Variants in FHL2 observed in about 807,000 individuals in gnomAD.
FHL2 encodes four and a half LIM domains protein 2.
FHL2 carries 20 observed loss-of-function variants against 32.7 expected under a neutral mutation model. The ratio of observed to expected loss-of-function variants is 0.61; its 90% confidence interval spans 0.43 to 0.89. FHL2 has a LOEUF of 0.89. Among genes scored for constraint, FHL2 ranks in the 40% least tolerant of loss-of-function variants. FHL2 has a pLI of 0.00. For missense variants in FHL2, 311 were observed against 358.6 expected, an observed-to-expected ratio of 0.87 and a Z score of 1.07; for synonymous variants, 123 against 128.1, an observed-to-expected ratio of 0.96 and a Z score of 0.27.
chr2:105,399,149 G>GC (rs1348448703), upstream of FHL2: 4 of 1,364,352 alleles, frequency 2.9e-6, no homozygotes, highest in Non-Finnish European at 3.7e-6. Context: ...GGCGTGGGGC[G>GC]CGGGGGGCGG....
In FHL2 at chr2:105,420,713, G is replaced by A. The variant is rs535588286; in HGVS notation, c.-25+17686C>T. Among the ~76,000 whole-genome samples, 17 of 152,248 alleles carry A rather than the reference G, an allele frequency of 1.1e-4. No homozygotes were observed. In the East Asian group the frequency reaches 3.1e-3, roughly 28 times the overall value. ...GGGAGGTGGGGGGCAGAGGGTTTCA[G>A]GATGAAACTGTTCCAACTCAGATAA... On this transcript the variant is annotated intron_variant, in intron 1 of 5. Coordinates refer to the FHL2 transcript ENST00000393352.
At chr2:105,396,880 G>C in intron 1 of FHL2, 183 bp from the exon 2 acceptor site, 1 of 598,576 alleles carries the variant, frequency 1.7e-6, no homozygotes, top group Non-Finnish European at 2.9e-6. Context: ...TTGTACCTCA[G>C]GGCATCTGAG....
At chr2:105,438,527 C>T, upstream of FHL2, 5 of 985,520 alleles carry the variant, frequency 5.1e-6, no homozygotes, top group Non-Finnish European at 6.0e-6. Flanking sequence ...CTGCCCTTGT[C>T]AGTGGCGCTA....
chr2:105,426,429 A>C (rs1416899093), intron 1 of FHL2, among the ~76,000 whole-genome samples: 1 of 152,220 alleles, frequency 6.6e-6, no homozygotes, highest in African/African-American at 2.4e-5. Context: ...TAAAGAATGG[A>C]AACAGCATGG....
At chr2:105,367,085 A>G (rs1680689490) in intron 5 of FHL2, among the ~76,000 whole-genome samples, 3 of 152,198 alleles carry the variant, frequency 2.0e-5, no homozygotes, top group Non-Finnish European at 4.4e-5. Flanking sequence ...GAGTAGATAC[A>G]TTTAATAAAT....
chr2:105,426,382 G>A (rs148426270), intron 1 of FHL2, among the ~76,000 whole-genome samples: 162 of 152,308 alleles, frequency 1.1e-3, no homozygotes, highest in African/African-American at 3.6e-3. Context: ...CATAATTCAA[G>A]TCAAAAGTAA....
chr2:105,370,214 C>T (rs375643513), intron 4 of FHL2, among the ~76,000 whole-genome samples: 47 of 151,636 alleles, frequency 3.1e-4, no homozygotes, highest in African/African-American at 1.0e-3. Context: ...CTCTACCCCC[C>T]CAAAAAAAAA....
chr2:105,368,156 C>T (rs1680771054), intron 4 of FHL2, among the ~76,000 whole-genome samples: 1 of 152,094 alleles, frequency 6.6e-6, no homozygotes, highest in Non-Finnish European at 1.5e-5. Context: ...ATGAACACCC[C>T]GTCTGGTTCA....
chr2:105,424,820 A>G (rs1252723975), intron 1 of FHL2, among the ~76,000 whole-genome samples: 1 of 152,226 alleles, frequency 6.6e-6, no homozygotes, highest in Non-Finnish European at 1.5e-5. Flanking sequence ...GAGTTGAACA[A>G]TGAGAACACA....
At chr2:105,402,118 C>CGTGTATATATACACGT (rs1317685269), upstream of FHL2, among the ~76,000 whole-genome samples, 1 of 145,958 alleles carries the variant, frequency 6.9e-6, no homozygotes, top group Admixed American at 6.9e-5. Flanking sequence ...CGTATATATA[C>CGTGTATATATACACGT]ATATATACAT....
upstream of FHL2, chr2:105,399,257 C>T (rs969938524): frequency 7.8e-6 from 12 of 1,535,492 alleles, no homozygotes; most frequent in Admixed American, 2.0e-5. Context: ...TCGTGCCCTC[C>T]GGGTCTTGGG....
intron 6 of FHL2, 101 bp downstream of exon 6, chr2:105,363,184 G>T: frequency 1.2e-5 from 14 of 1,121,504 alleles, no homozygotes; most frequent in Non-Finnish European, 1.8e-5. Context: ...CCTTAGGGAG[G>T]TCTGGGGAGT....
At chr2:105,415,998 T>C (rs1373255586) in intron 1 of FHL2, among the ~76,000 whole-genome samples, 1 of 152,204 alleles carries the variant, frequency 6.6e-6, no homozygotes, top group South Asian at 2.1e-4. Context: ...AATTTCAAGT[T>C]TAATTAAACC....
At chr2:105,369,899 G>C (rs1426226621) in intron 4 of FHL2, among the ~76,000 whole-genome samples, 1 of 152,200 alleles carries the variant, frequency 6.6e-6, no homozygotes, top group Non-Finnish European at 1.5e-5. Flanking sequence ...GGAGCCTCAG[G>C]GACATGGCGC....
chr2:105,390,304 C>T lies in FHL2; in HGVS notation c.-24-3764G>A, dbSNP rs1337048052. ...GGCTCCACATTTGCTCAAAGTACGA[C>T]TGAGGTTATGAATGTCATCATGGTG... On this transcript the variant is annotated intron_variant, in intron 2 of 6. Transcript: ENST00000530340. The T allele has an allele frequency of 2.0e-5, 3 of 152,684 alleles. No homozygotes were observed. In the East Asian group the frequency reaches 5.8e-4, roughly 29 times the overall value. The allele number at this position is 152,684 out of a possible 1,614,324, so 9.5% of individuals were successfully genotyped here. A position where few individuals can be genotyped will look rare whatever the true frequency, so the allele number is the denominator to read the frequency against.
rs1683328510 is a variant in FHL2 at position 105,398,827 on chromosome 2, C to T, written c.-76+15G>A. On this transcript the variant is annotated intron_variant, in intron 1 of 6. Transcript: ENST00000530340. ...CAGTGGTCTTCCCGGACCCACAGCTCTGCTCTCCTCTCACCAGTCTCCCCA... is the reference window on the plus strand; with the variant it reads ...CAGTGGTCTTCCCGGACCCACAGCTTTGCTCTCCTCTCACCAGTCTCCCCA... The T allele has an allele frequency of 2.8e-6, 4 of 1,424,698 alleles. No individual in the cohort carries two copies. In the South Asian group the frequency reaches 5.0e-5, roughly 18 times the overall value. The allele number at this position is 1,424,698 out of a possible 1,614,324, so 88.3% of individuals were successfully genotyped here. A position where few individuals can be genotyped will look rare whatever the true frequency, so the allele number is the denominator to read the frequency against.
chr2:105,431,023 A>T (rs1684415913), intron 1 of FHL2, among the ~76,000 whole-genome samples: 1 of 152,226 alleles, frequency 6.6e-6, no homozygotes, highest in Non-Finnish European at 1.5e-5. Context: ...TCACGAAATA[A>T]ATTAGTTATG....
chr2:105,408,362 C>T (rs569517259), intron 1 of FHL2, among the ~76,000 whole-genome samples: 1 of 152,236 alleles, frequency 6.6e-6, no homozygotes. Context: ...TCCAAACCCA[C>T]AGAGATGACT....
At chr2:105,394,400 T>C (rs1443938400) in intron 2 of FHL2, among the ~76,000 whole-genome samples, 5 of 150,708 alleles carry the variant, frequency 3.3e-5, no homozygotes, top group Non-Finnish European at 7.4e-5. Flanking sequence ...AGACCCGGTC[T>C]CTAAAAAAAA....
Sources: allele counts gnomAD v4.1 joint callset (sites outside exome capture counted in the v4.1 genomes callset), GRCh38; gene constraint gnomAD v4.1.1; transcripts MANE v1.5; gene names NCBI Gene and HGNC (gene_info 2026-07-23, HGNC 2026-07-21).